The following MRPL55 variants were observed in gnomAD, a reference collection of about 807,000 sequenced individuals.
MRPL55 encodes large ribosomal subunit protein mL55.
A neutral mutation model predicts 10.6 loss-of-function variants in MRPL55; 7 were observed. That is an observed-to-expected ratio of 0.66 (90% CI 0.38 to 1.24). The LOEUF is 1.24. MRPL55 is among the 50% of genes most tolerant of loss of function. The pLI is 0.02. For synonymous variants in MRPL55, 57 were observed against 71.8 expected (o/e 0.79, Z 1.04); for missense variants, 148 against 180.3 (o/e 0.82, Z 1.03).
intron 4 of MRPL55, 66 bp from the exon 5 acceptor site, chr1:228,106,984 GC>G: frequency 7.5e-7 from 1 of 1,341,830 alleles, no homozygotes; most frequent in East Asian, 2.3e-5. Context: ...TGGGGGGACA[GC>G]CCAAGGCCTT....
At chr1:228,108,355 G>A (rs2033422604) in intron 2 of MRPL55, 37 bp from the exon 3 acceptor site, 8 of 1,359,342 alleles carry the variant, frequency 5.9e-6, no homozygotes, top group Admixed American at 4.6e-5. Flanking sequence ...TTTTTAAAAG[G>A]AAGGTTCTTC....
intron 2 of MRPL55, 80 bp from the exon 3 acceptor site, chr1:228,108,398 G>A: frequency 2.1e-6 from 2 of 963,360 alleles, no homozygotes; most frequent in Non-Finnish European, 3.1e-6. Flanking sequence ...TCCCAGCCCA[G>A]GATGCTTCCA....
intron 4 of MRPL55, 133 bp downstream of exon 4, chr1:228,107,535 G>T: frequency 1.2e-6 from 1 of 822,186 alleles, no homozygotes; most frequent in Non-Finnish European, 2.0e-6. Context: ...ACAACCACCT[G>T]CTCCCCTGAC....
chr1:228,107,914 C>T, intron 3 of MRPL55, 45 bp from the exon 4 acceptor site: 1 of 1,603,316 alleles, frequency 6.2e-7, no homozygotes, highest in African/African-American at 1.3e-5. Context: ...AGTGCTGCAG[C>T]AGAGTGCCAA....
At position 228,107,762 on chromosome 1, in the gene MRPL55, C is replaced by T. The variant is rs373356157; in HGVS notation, c.134G>A (p.Arg45His). ...GGGGTAGAGTCGTGCATAAGCCTGG[C>T]GGTGCACACGAGTGAGTGAGGCCCT... ...SSRASLTRVH[R>H]QAYARLYPVL... The change falls in exon 4 of 5, where the codon CGC (arginine) becomes CAC (histidine). Residue 45 changes from arginine to histidine, a missense_variant. Physicochemically the swap from Arg to His is conservative, Grantham distance 29 (BLOSUM62 0). Transcript: ENST00000336520. 5.0e-6 allele frequency: 8 copies of T among 1,613,242 alleles called. No homozygotes were observed. Among genetic ancestry groups the T allele is most frequent in the Admixed American group, 1.7e-5 (1 of 60,024 alleles).
At position 228,106,860 on chromosome 1, in the gene MRPL55, C is replaced by T. The variant is rs201322831; in HGVS notation, c.287G>A (p.Arg96His). The stretch of plus-strand genomic sequence containing the variant: ...CTTCCTCGACTGGAGCTGAGCCTCA[C>T]GCTTCCGCAGCCTGGCCCGGCGCTC... ...PEERRARLRK[R>H]EAQLQSRKEY... is the part of the protein sequence containing the mutation. Residue 96 changes from arginine to histidine, a missense_variant, in exon 5 of 5, where the codon CGT (arginine) becomes CAT (histidine). By Grantham distance (29) the Arg-to-His change is conservative. Coordinates refer to ENST00000336520, the MANE Select transcript of MRPL55 (RefSeq NM_181463.3). The T allele has an allele frequency of 9.9e-6, 16 of 1,613,898 alleles. No individual in the cohort carries two copies. Among genetic ancestry groups the T allele is most frequent in the East Asian group, 2.2e-5 (1 of 44,880 alleles).
Position 228,107,721 on chromosome 1 carries a change from GCTTCACCAGCAGCA to G in MRPL55, c.161_174del (p.Val54AlafsTer29). On this transcript the variant is annotated frameshift_variant, in exon 4 of 5. Coordinates refer to ENST00000336520, the MANE Select transcript of MRPL55 (RefSeq NM_181463.3). LOFTEE classifies it high-confidence loss of function. ...CGGATGTGGATGGTGGAGCCATCCTGCTTCACCAGCAGCACGGGGTAGAGTCGTGCATAAGCCTG... is the reference window on the plus strand; with the variant it reads ...CGGATGTGGATGGTGGAGCCATCCTGCGGGGTAGAGTCGTGCATAAGCCTG... 2 of 1,613,226 alleles carry G rather than the reference GCTTCACCAGCAGCA, an allele frequency of 1.2e-6. No individual in the cohort carries two copies. Among genetic ancestry groups the G allele is most frequent in the Non-Finnish European group, 1.7e-6 (2 of 1,180,034 alleles).
Position 228,109,258 on chromosome 1 carries a change from C to CACTGCGTTGGGTGCT in MRPL55, c.-250_-236dup, listed in dbSNP as rs1463092850. 2.2e-4 allele frequency: 34 copies of CACTGCGTTGGGTGCT among 152,504 alleles called. No homozygotes were observed. Among genetic ancestry groups the CACTGCGTTGGGTGCT allele is most frequent in the Admixed American group, 2.0e-3 (30 of 15,292 alleles). The allele number at this position is 152,504 out of a possible 1,614,324, so 9.4% of individuals were successfully genotyped here. On this transcript the variant is annotated 5_prime_UTR_variant, in exon 1 of 5. Transcript: ENST00000336520. ...AGGCCACGCAGGAGATCAAGGTACT[C>CACTGCGTTGGGTGCT]ACTGCGTTGGGTGCTGCTGCGCTGC...
At position 228,109,269 on chromosome 1, in the gene MRPL55, G is replaced by C. The variant is rs2033543313; in HGVS notation, c.-246C>G. ...GAGATCAAGGTACTCACTGCGTTGG[G>C]TGCTGCTGCGCTGCAGCCCACGACG... On this transcript the variant is annotated 5_prime_UTR_variant, in exon 1 of 5. Transcript: ENST00000336520. 6.6e-6 allele frequency: 1 copy of C among 152,610 alleles called. No homozygotes were observed. The highest frequency in any genetic ancestry group is 6.5e-5 in the Admixed American group (1 of 15,296). The allele number at this position is 152,610 out of a possible 1,614,324, so 9.5% of individuals were successfully genotyped here. A position where few individuals can be genotyped will look rare whatever the true frequency, so the allele number is the denominator to read the frequency against.
rs145268311 is a variant in MRPL55 at position 228,107,669 on chromosome 1, G to T, written c.227C>A (p.Ala76Glu). Residue 76 changes from alanine to glutamate, a missense_variant and splice_region_variant, in exon 4 of 5, where the codon GCG (alanine) becomes GAG (glutamate). Ala to Glu is a moderately radical substitution (Grantham distance 107). Transcript: ENST00000336520. Reference sequence around the variant, plus strand: ...AAGCACCTGGAGAGGGAAGCTTACCGCCAGCATGCGCCGTGGCTCCCTGTA... The same window carrying T: ...AAGCACCTGGAGAGGGAAGCTTACCTCCAGCATGCGCCGTGGCTCCCTGTA... ...IRYREPRRML[A>E]MPIDLDTLSP... 1 of 1,612,584 alleles carries T rather than the reference G, an allele frequency of 6.2e-7. No individual in the cohort carries two copies. The highest frequency in any genetic ancestry group is 1.7e-5 in the Admixed American group (1 of 60,004).
intron 2 of MRPL55, chr1:228,108,563 G>GTA: frequency 6.8e-6 from 3 of 442,002 alleles, no homozygotes; most frequent in Non-Finnish European, 1.2e-5. Flanking sequence ...GTCTGTTCTG[G>GTA]CCGTTACCGA....
chr1:228,107,549 T>C (rs921758305), intron 4 of MRPL55, 119 bp downstream of exon 4: 8 of 917,388 alleles, frequency 8.7e-6, no homozygotes, highest in Admixed American at 4.3e-5. Flanking sequence ...CCCTGACTCC[T>C]GTCATGTGGT....
intron 4 of MRPL55, 133 bp from the exon 5 acceptor site, chr1:228,107,051 G>T: frequency 3.1e-6 from 2 of 645,352 alleles, no homozygotes; most frequent in African/African-American, 1.8e-5. Flanking sequence ...CATTCTTATT[G>T]GTCTCTCCCT....
At chr1:228,108,697 A>G (rs1023360940) in intron 2 of MRPL55, 5 of 185,514 alleles carry the variant, frequency 2.7e-5, no homozygotes, top group Non-Finnish European at 5.7e-5. Context: ...ATGCTTGCTT[A>G]AAGGAGAATG....
chr1:228,108,031 C>T (rs2033368038), intron 3 of MRPL55, 162 bp from the exon 4 acceptor site: 3 of 1,544,808 alleles, frequency 1.9e-6, no homozygotes, highest in Non-Finnish European at 2.6e-6. Flanking sequence ...CCTCAGGAGC[C>T]ACAGGCTGTG....
intron 4 of MRPL55, 58 bp downstream of exon 4, chr1:228,107,610 C>T (rs1429944677): frequency 1.3e-6 from 2 of 1,530,974 alleles, no homozygotes; most frequent in Admixed American, 3.5e-5. Flanking sequence ...CACCAGCACC[C>T]CCACCACAGC....
chr1:228,107,819 AG>A lies in MRPL55; in HGVS notation c.76del (p.Leu26CysfsTer32). ...VKATGPALRR[L>X]HTSSWRADSS... ...GTCAGCTCGCCAGGAGGATGTGTGCAGGCGGCGGAGTGCAGGTCCGGTGGCC... is the reference window on the plus strand; with the variant it reads ...GTCAGCTCGCCAGGAGGATGTGTGCAGCGGCGGAGTGCAGGTCCGGTGGCC... On this transcript the variant is annotated frameshift_variant, in exon 4 of 5. Coordinates refer to ENST00000336520, the MANE Select transcript of MRPL55 (RefSeq NM_181463.3). LOFTEE classifies it high-confidence loss of function. The A allele has an allele frequency of 6.2e-7, 1 of 1,613,208 alleles. No homozygotes were observed. Among genetic ancestry groups the A allele is most frequent in the Non-Finnish European group, 8.5e-7 (1 of 1,180,012 alleles).
In MRPL55 at chr1:228,106,829, G is replaced by A. The variant is rs773798884; in HGVS notation, c.318C>T (p.Tyr106=). Residue 106 remains tyrosine, a synonymous_variant, in exon 5 of 5, where the codon TAC becomes TAT. Coordinates refer to ENST00000336520, the MANE Select transcript of MRPL55 (RefSeq NM_181463.3). The part of the protein sequence containing the change: ...REAQLQSRKE[Y]EQELSDDLHV... The stretch of plus-strand genomic sequence containing the variant: ...GCAAGTCATCACTGAGCTCCTGCTC[G>A]TACTCCTTCCTCGACTGGAGCTGAG... 14 of 1,613,976 alleles carry A rather than the reference G, an allele frequency of 8.7e-6. No homozygotes were observed. Among genetic ancestry groups the A allele is most frequent in the South Asian group, 3.3e-5 (3 of 91,078 alleles).
In MRPL55 at chr1:228,107,598, G is replaced by C. The variant is rs886153154; in HGVS notation, c.228+70C>G. On this transcript the variant is annotated intron_variant, in intron 4 of 4. Coordinates refer to ENST00000336520, the MANE Select transcript of MRPL55 (RefSeq NM_181463.3). ...CCACATGTCCATCCGAAGGCGACTGGTCACCAGCACCCCCACCACAGCCTC... is the reference window on the plus strand; with the variant it reads ...CCACATGTCCATCCGAAGGCGACTGCTCACCAGCACCCCCACCACAGCCTC... 1.4e-5 allele frequency: 20 copies of C among 1,439,326 alleles called. No homozygotes were observed. The Middle Eastern group carries it at 9.2e-4, about 66-fold the overall frequency. 89.2% of individuals were successfully genotyped at this position (1,439,326 alleles called of 1,614,324 possible).
Sources: allele counts gnomAD v4.1 joint callset, GRCh38; gene constraint gnomAD v4.1.1; transcripts MANE v1.5; gene names NCBI Gene and HGNC (gene_info 2026-07-23, HGNC 2026-07-21).